Variants in SCFD2 observed in about 807,000 individuals in gnomAD.
The protein encoded by SCFD2 is sec1 family domain-containing protein 2.
In SCFD2, 54 loss-of-function variants were observed where a neutral mutation model predicts 58.9. That is an observed-to-expected ratio of 0.92 (90% CI 0.74 to 1.15). The LOEUF (loss-of-function observed/expected upper bound fraction) is 1.15, where lower values mean the gene tolerates loss of function less well. SCFD2 is among the 50% of genes most tolerant of loss of function. The pLI, the probability that SCFD2 is intolerant of heterozygous loss-of-function variation, is 0.00. For synonymous variants in SCFD2, 321 were observed against 335.9 expected, an observed-to-expected ratio of 0.96 and a Z score of 0.49; for missense variants, 805 against 836.6, an observed-to-expected ratio of 0.96 and a Z score of 0.47.
intron 5 of SCFD2, among the ~76,000 whole-genome samples, chr4:53,125,389 G>C (rs1476347153): frequency 6.6e-6 from 1 of 152,168 alleles, no homozygotes. Flanking sequence ...AATATTATAA[G>C]AGTAACATTT....
chr4:53,073,864 C>A (rs1424267965), intron 5 of SCFD2, among the ~76,000 whole-genome samples: 2 of 152,140 alleles, frequency 1.3e-5, no homozygotes, highest in African/African-American at 4.8e-5. Context: ...TAATGATTAT[C>A]TGAGCTTTCA....
At chr4:53,314,720 A>AT (rs1560443085) in intron 2 of SCFD2, among the ~76,000 whole-genome samples, 1 of 152,200 alleles carries the variant, frequency 6.6e-6, no homozygotes, top group Non-Finnish European at 1.5e-5. Flanking sequence ...GTTATACCTA[A>AT]TAAGACATAT....
In SCFD2 at chr4:53,259,959, AT is replaced by A. The variant is rs3065029; in HGVS notation, c.1311+13866del. On this transcript the variant is annotated intron_variant, in intron 4 of 8. Coordinates refer to ENST00000401642, the MANE Select transcript of SCFD2 (RefSeq NM_152540.4). The stretch of plus-strand genomic sequence containing the variant: ...TCCTTGGTTAGATATATAACCAGGT[AT>A]TTTTTTTTTTTTTGCAGCTATTGTT... Among the ~76,000 whole-genome samples the A allele has an allele frequency of 2.2e-3, 306 of 142,066 alleles. 2 individuals are homozygous for A. Among genetic ancestry groups the A allele is most frequent in the African/African-American group, 5.7e-3 (215 of 38,026 alleles). 93.2% of individuals were successfully genotyped at this position (142,066 alleles called of 152,430 possible).
At chr4:53,307,195 C>T (rs186488332) in intron 3 of SCFD2, among the ~76,000 whole-genome samples, 40 of 152,308 alleles carry the variant, frequency 2.6e-4, no homozygotes, top group Non-Finnish European at 4.9e-4. Flanking sequence ...CAACAAAGTC[C>T]TGGATCTGCA....
chr4:53,137,277 C>T (rs1447855864), intron 5 of SCFD2, among the ~76,000 whole-genome samples: 2 of 152,160 alleles, frequency 1.3e-5, no homozygotes. Context: ...CCAGTATATG[C>T]CTTTTACCTT....
At chr4:53,234,709 A>T (rs1729541998) in intron 4 of SCFD2, among the ~76,000 whole-genome samples, 1 of 152,238 alleles carries the variant, frequency 6.6e-6, no homozygotes, top group Admixed American at 6.5e-5. Context: ...TAAGAGCACA[A>T]GCATCAAGAT....
chr4:53,251,358 A>G (rs1730370964), intron 4 of SCFD2, among the ~76,000 whole-genome samples: 1 of 152,196 alleles, frequency 6.6e-6, no homozygotes, highest in Non-Finnish European at 1.5e-5. Flanking sequence ...ATAGAAAAAG[A>G]GGGAATCCTC....
chr4:53,198,504 G>A (rs1449162704), intron 4 of SCFD2, among the ~76,000 whole-genome samples: 1 of 151,996 alleles, frequency 6.6e-6, no homozygotes, highest in Non-Finnish European at 1.5e-5. Flanking sequence ...TATGAAGCCA[G>A]CAATTATTGT....
intron 4 of SCFD2, among the ~76,000 whole-genome samples, chr4:53,155,798 G>C (rs555414637): frequency 5.9e-5 from 9 of 152,302 alleles, no homozygotes; most frequent in South Asian, 2.1e-4. Context: ...TATATAAGAG[G>C]ACAGCAGTTT....
intron 4 of SCFD2, among the ~76,000 whole-genome samples, chr4:53,191,149 A>C: frequency 6.6e-6 from 1 of 151,952 alleles, no homozygotes; most frequent in East Asian, 2.0e-4. Context: ...GGAGTTCAAG[A>C]CGAGCCTGGC....
At chr4:53,313,892 G>C (rs775748514) in intron 2 of SCFD2, 129 bp from the exon 3 acceptor site, 1 of 698,496 alleles carries the variant, frequency 1.4e-6, no homozygotes, top group African/African-American at 1.8e-5. Context: ...TAGACTCTAA[G>C]TATTAGGATT....
intron 3 of SCFD2, among the ~76,000 whole-genome samples, chr4:53,274,357 C>T (rs1731266514): frequency 6.6e-6 from 1 of 152,060 alleles, no homozygotes. Flanking sequence ...CTCTTTATGA[C>T]ATATGACATA....
chr4:52,939,441 T>C (rs1376560371), intron 5 of SCFD2, among the ~76,000 whole-genome samples: 2 of 152,110 alleles, frequency 1.3e-5, no homozygotes, highest in Non-Finnish European at 2.9e-5. Flanking sequence ...ATGTTGTCTA[T>C]AAAAAGCATA....
At chr4:52,878,755 A>G (rs990324626) in intron 8 of SCFD2, among the ~76,000 whole-genome samples, 1 of 152,356 alleles carries the variant, frequency 6.6e-6, no homozygotes. Context: ...TTCCTTTCAG[A>G]GAACTGGTCT....
At chr4:53,234,919 A>C (rs1391678785) in intron 4 of SCFD2, among the ~76,000 whole-genome samples, 1 of 152,242 alleles carries the variant, frequency 6.6e-6, no homozygotes, top group Non-Finnish European at 1.5e-5. Flanking sequence ...ACAAAGTGAA[A>C]ATAGGTGATC....
intron 4 of SCFD2, among the ~76,000 whole-genome samples, chr4:53,248,649 C>A (rs889110185): frequency 2.6e-5 from 4 of 152,178 alleles, no homozygotes; most frequent in African/African-American, 9.7e-5. Flanking sequence ...GGAGACACCC[C>A]CCAGTAGGGG....
rs923347637 is a variant in SCFD2, at chr4:52,925,736, A to G, written c.1562-4866T>C. ...TAATCCACTTAGTTAAACAGATAAT[A>G]AACCAGAAGCTGATTGTAACCTTTA... On this transcript the variant is annotated intron_variant, in intron 5 of 8. Transcript: ENST00000401642. 5.9e-5 allele frequency among the ~76,000 whole-genome samples: 9 copies of G among 152,188 alleles called. No individual in the cohort carries two copies. The East Asian group carries it at 1.7e-3, about 29-fold the overall frequency.
intron 2 of SCFD2, among the ~76,000 whole-genome samples, chr4:53,332,762 A>G (rs1483038589): frequency 1.3e-4 from 19 of 151,976 alleles, no homozygotes; most frequent in Middle Eastern, 3.4e-3. Flanking sequence ...ATTAGGCAGG[A>G]GAAGGAAATA....
At chr4:53,155,439 T>C (rs1363389843) in intron 4 of SCFD2, among the ~76,000 whole-genome samples, 1 of 152,178 alleles carries the variant, frequency 6.6e-6, no homozygotes, top group Non-Finnish European at 1.5e-5. Flanking sequence ...CACCTTGATA[T>C]TGGACTTCCC....
Sources: gnomAD v4.1 joint callset for allele counts (sites outside exome capture counted in the v4.1 genomes callset) on GRCh38, gnomAD v4.1.1 for gene constraint, MANE v1.5 for transcripts, NCBI Gene and HGNC (gene_info 2026-07-23, HGNC 2026-07-21) for gene names.